Variants in EDA observed in about 807,000 individuals in gnomAD.
EDA encodes the protein ectodysplasin A, also known as ectodysplasin-A.
EDA carries 2 observed loss-of-function variants against 23.6 expected under a neutral mutation model. That is an observed-to-expected ratio of 0.08 (90% CI 0.03 to 0.27). The LOEUF (loss-of-function observed/expected upper bound fraction) is 0.27, where lower values mean the gene tolerates loss of function less well. Among genes scored for constraint, EDA ranks in the 10% least tolerant of loss-of-function variants. EDA has a pLI of 1.00. For synonymous variants in EDA, 131 were observed against 132.0 expected (o/e 0.99, Z 0.05); for missense variants, 229 against 324.2 (o/e 0.71, Z 2.26).
intron 1 of EDA, among the ~76,000 whole-genome samples, chrX:69,725,863 G>C (rs979408203): frequency 8.9e-6 from 1 of 112,158 alleles, no homozygotes; most frequent in Non-Finnish European, 1.9e-5. Context: ...AAAGTAACAG[G>C]GTCAAAATCC....
chrX:70,030,554 A>C (rs761582210), intron 6 of EDA, 34 bp downstream of exon 6: 1 of 1,135,229 alleles, frequency 8.8e-7, no homozygotes, highest in East Asian at 3.1e-5. Flanking sequence ...CCCAAAGAGG[A>C]GCTTCTCCCC....
intron 1 of EDA, among the ~76,000 whole-genome samples, chrX:69,661,695 C>T (rs1933513645): frequency 9.0e-6 from 1 of 110,772 alleles, no homozygotes; most frequent in Non-Finnish European, 1.9e-5. Flanking sequence ...TGTTCTGTTC[C>T]CTTGGTCTAT....
chrX:69,825,890 T>A (rs2016414513), intron 1 of EDA, among the ~76,000 whole-genome samples: 1 of 109,980 alleles, frequency 9.1e-6, no homozygotes, highest in Non-Finnish European at 1.9e-5. Flanking sequence ...GAGATTCTGG[T>A]ATGTTGTGTC....
At chrX:69,909,673 A>G (rs2018230340) in intron 1 of EDA, among the ~76,000 whole-genome samples, 1 of 112,704 alleles carries the variant, frequency 8.9e-6, no homozygotes, top group African/African-American at 3.2e-5. Flanking sequence ...ATGTGTTTGG[A>G]GAAAAAAACT....
chrX:69,708,030 T>C, intron 1 of EDA, among the ~76,000 whole-genome samples: 1 of 112,303 alleles, frequency 8.9e-6, no homozygotes, highest in Admixed American at 9.5e-5. Context: ...TAATGGGCTC[T>C]GTTGGGTACT....
At chrX:69,715,984 A>T (rs2012314430) in intron 1 of EDA, among the ~76,000 whole-genome samples, 1 of 111,864 alleles carries the variant, frequency 8.9e-6, no homozygotes, top group African/African-American at 3.3e-5. Flanking sequence ...CCTTTGTCAG[A>T]TGCATAGTTT....
intron 1 of EDA, among the ~76,000 whole-genome samples, chrX:69,826,690 T>C (rs1351803451): frequency 9.1e-6 from 1 of 109,678 alleles, no homozygotes; most frequent in Non-Finnish European, 1.9e-5. Context: ...GAGCATTTAG[T>C]CCATTTACAT....
rs749371666 is a variant in EDA, at chrX:69,828,014, G to T, written c.397-129013G>T. 7.4e-4 allele frequency among the ~76,000 whole-genome samples: 82 copies of T among 110,856 alleles called. 1 individual carries two copies. The highest frequency in any genetic ancestry group is 2.6e-3 in the African/African-American group (79 of 30,409). ...GGTGCCTCCCAGTTAGGCTGCTCAG[G>T]GGTCAGGGGTCAGGGAGCCACTTGA... On this transcript the variant is annotated intron_variant, in intron 1 of 7. Transcript: ENST00000374552.
intron 1 of EDA, among the ~76,000 whole-genome samples, chrX:69,889,021 T>TATATATA (rs58327577): frequency 3.1e-3 from 226 of 73,360 alleles, no homozygotes; most frequent in Middle Eastern, 6.4e-3. Flanking sequence ...TATATATATA[T>TATATATA]TATGTTTTTC....
At chrX:69,764,823 C>T (rs1011042555) in intron 1 of EDA, among the ~76,000 whole-genome samples, 1 of 111,342 alleles carries the variant, frequency 9.0e-6, no homozygotes, top group East Asian at 2.8e-4. Flanking sequence ...CTCTGGATGA[C>T]ATCTCAATCA....
At position 69,786,093 on chromosome X, in the gene EDA, A is replaced by T. The variant is rs5936748; in HGVS notation, c.396+169389A>T. ...AGTTTATTTGCGTAGAGGTGTTTAT[A>T]GTATTCTCTGATGGTAGTTTGTATT... is the stretch of plus-strand genomic sequence containing the variant. On this transcript the variant is annotated intron_variant, in intron 1 of 7. Coordinates refer to ENST00000374552, the MANE Select transcript of EDA (RefSeq NM_001399.5). Among the ~76,000 whole-genome samples the T allele has an allele frequency of 2.1e-3, 226 of 105,886 alleles. 9 individuals carry two copies. The highest frequency in any genetic ancestry group is 0.02 in the Admixed American group (199 of 9,915). The allele number at this position is 105,886 out of a possible 115,157, so 91.9% of individuals were successfully genotyped here.
chrX:69,711,710 G>A (rs2147328913), intron 1 of EDA, among the ~76,000 whole-genome samples: 1 of 111,398 alleles, frequency 9.0e-6, no homozygotes, highest in Non-Finnish European at 1.9e-5. Flanking sequence ...CTTCTTCCTG[G>A]TTTAGTCTTG....
At chrX:69,931,029 T>C (rs1294487493) in intron 1 of EDA, among the ~76,000 whole-genome samples, 2 of 111,490 alleles carry the variant, frequency 1.8e-5, no homozygotes, top group African/African-American at 6.5e-5. Context: ...TGAAAATTTA[T>C]GTGGAAAGTC....
At chrX:69,825,455 A>T (rs1384652856) in intron 1 of EDA, among the ~76,000 whole-genome samples, 1 of 110,315 alleles carries the variant, frequency 9.1e-6, no homozygotes, top group Non-Finnish European at 1.9e-5. Flanking sequence ...GAATTTATCC[A>T]TTTCTTCTAG....
chrX:69,887,121 C>G (rs1370052453), intron 1 of EDA, among the ~76,000 whole-genome samples: 1 of 110,941 alleles, frequency 9.0e-6, no homozygotes, highest in Non-Finnish European at 1.9e-5. Context: ...AATTAATAGC[C>G]TAGGCAGCAT....
At chrX:69,668,549 C>T (rs1016699381) in intron 1 of EDA, among the ~76,000 whole-genome samples, 6 of 111,521 alleles carry the variant, frequency 5.4e-5, no homozygotes, top group African/African-American at 2.0e-4. Flanking sequence ...CATTGATCTA[C>T]CCATTGAAGA....
At chrX:69,957,685 A>G (rs745359258) in intron 2 of EDA, among the ~76,000 whole-genome samples, 1 of 110,653 alleles carries the variant, frequency 9.0e-6, no homozygotes, top group South Asian at 3.9e-4. Context: ...TCTGAGAGCC[A>G]TGATAGCATT....
intron 1 of EDA, among the ~76,000 whole-genome samples, chrX:69,673,698 C>G (rs1453763443): frequency 9.0e-6 from 1 of 111,604 alleles, no homozygotes; most frequent in African/African-American, 3.3e-5. Context: ...CCTCCATGAT[C>G]AGTTTTACTA....
At chrX:69,781,204 CATGTAT>C (rs1409083863) in intron 1 of EDA, among the ~76,000 whole-genome samples, 1 of 111,432 alleles carries the variant, frequency 9.0e-6, no homozygotes, top group African/African-American at 3.3e-5. Flanking sequence ...TGTGAACACT[CATGTAT>C]AAGTTTTCGT....
Sources: allele counts gnomAD v4.1 joint callset (sites outside exome capture counted in the v4.1 genomes callset), GRCh38; gene constraint gnomAD v4.1.1; transcripts MANE v1.5; gene names NCBI Gene and HGNC (gene_info 2026-07-23, HGNC 2026-07-21).